Variants in UBL3 observed in about 807,000 individuals in gnomAD.
UBL3 encodes the protein ubiquitin-like protein 3.
In UBL3, 6 loss-of-function variants were observed where a neutral mutation model predicts 18.4. The ratio of observed to expected loss-of-function variants is 0.33; its 90% CI spans 0.18 to 0.64. The LOEUF (loss-of-function observed/expected upper bound fraction) is 0.64, where lower values mean the gene tolerates loss of function less well. Among genes scored for constraint, UBL3 ranks in the 30% least tolerant of loss-of-function variants. UBL3 has a pLI of 0.76. For missense variants in UBL3, 109 were observed against 142.9 expected (o/e 0.76, Z 1.21); for synonymous variants, 49 against 46.6 (o/e 1.05, Z -0.21).
At chr13:29,825,425 G>C (rs947883964) in intron 1 of UBL3, among the ~76,000 whole-genome samples, 1 of 152,232 alleles carries the variant, frequency 6.6e-6, no homozygotes, top group East Asian at 1.9e-4. Context: ...CACATCCCTT[G>C]TAAGTTGGAT....
chr13:29,775,611 T>A (rs941755336), intron 2 of UBL3, among the ~76,000 whole-genome samples: 4 of 152,094 alleles, frequency 2.6e-5, no homozygotes, highest in African/African-American at 7.2e-5. Flanking sequence ...AACAATTCAC[T>A]TGAGGGAGGC....
At chr13:29,834,975 G>A (rs1358682662) in intron 1 of UBL3, among the ~76,000 whole-genome samples, 1 of 150,226 alleles carries the variant, frequency 6.7e-6, no homozygotes, top group Non-Finnish European at 1.5e-5. Flanking sequence ...TTGGCACAGT[G>A]TCTGTAAGCG....
chr13:29,811,646 G>T (rs578042974), intron 1 of UBL3, among the ~76,000 whole-genome samples: 1 of 152,060 alleles, frequency 6.6e-6, no homozygotes, highest in Non-Finnish European at 1.5e-5. Flanking sequence ...AGAGCACACA[G>T]CTATCTTGAA....
chr13:29,787,052 A>T lies in UBL3; in HGVS notation c.28-9789T>A, dbSNP rs536664864. On this transcript the variant is annotated intron_variant, in intron 1 of 4. Transcript: ENST00000380680. ...AATTTTTGAATTATAGAAACCATTCAACTACTTATTAGCTAAAATATTTTT... is the reference window on the plus strand; with the variant it reads ...AATTTTTGAATTATAGAAACCATTCTACTACTTATTAGCTAAAATATTTTT... 1.6e-3 allele frequency among the ~76,000 whole-genome samples: 237 copies of T among 152,338 alleles called. 3 individuals are homozygous for T. The highest frequency in any genetic ancestry group is 3.1e-3 in the Admixed American group (48 of 15,306).
chr13:29,833,277 A>G (rs1878830014), intron 1 of UBL3, among the ~76,000 whole-genome samples: 1 of 152,242 alleles, frequency 6.6e-6, no homozygotes, highest in Admixed American at 6.5e-5. Context: ...AGACGTCTGG[A>G]TGGAGATCGG....
At position 29,830,007 on chromosome 13, in the gene UBL3, T is replaced by C. The variant is rs968599255; in HGVS notation, c.27+19505A>G. On this transcript the variant is annotated intron_variant, in intron 1 of 4. Transcript: ENST00000380680. ...CATTGCTCTTTTCTTTGTAATAATC[T>C]GATGTGCCTATTCTGGAAAACCTCC... Among the ~76,000 whole-genome samples, 62 of 152,226 alleles carry C rather than the reference T, an allele frequency of 4.1e-4. 1 individual carries two copies. Among genetic ancestry groups the C allele is most frequent in the Non-Finnish European group, 2.1e-4 (14 of 68,048 alleles).
chr13:29,823,387 C>T (rs962644882), intron 1 of UBL3, among the ~76,000 whole-genome samples: 15 of 152,322 alleles, frequency 9.8e-5, no homozygotes, highest in Admixed American at 6.5e-4. Flanking sequence ...GTGATCCGCC[C>T]GCCTTCGGCC....
chr13:29,770,294 A>T (rs1424886738), intron 3 of UBL3, among the ~76,000 whole-genome samples: 2 of 152,120 alleles, frequency 1.3e-5, no homozygotes, highest in Non-Finnish European at 2.9e-5. Flanking sequence ...ATCCAGCTAC[A>T]ATTATTAACG....
At chr13:29,771,854 T>C (rs936643082) in intron 3 of UBL3, among the ~76,000 whole-genome samples, 1 of 152,004 alleles carries the variant, frequency 6.6e-6, no homozygotes. Context: ...TAACGTTACA[T>C]TTAAAAAATA....
intron 1 of UBL3, among the ~76,000 whole-genome samples, chr13:29,790,972 A>C (rs1385157212): frequency 6.6e-6 from 1 of 152,090 alleles, no homozygotes; most frequent in African/African-American, 2.4e-5. Flanking sequence ...TCCCAAACTA[A>C]TTATCCATGA....
At chr13:29,788,515 C>T (rs764823450) in intron 1 of UBL3, among the ~76,000 whole-genome samples, 2 of 152,092 alleles carry the variant, frequency 1.3e-5, no homozygotes, top group African/African-American at 2.4e-5. Context: ...CAGCATACTT[C>T]GATGCCACCC....
chr13:29,816,293 T>C (rs1878279266), intron 1 of UBL3, among the ~76,000 whole-genome samples: 2 of 152,064 alleles, frequency 1.3e-5, no homozygotes, highest in South Asian at 4.1e-4. Flanking sequence ...ACTGACTAAA[T>C]TATGGAATAT....
intron 1 of UBL3, among the ~76,000 whole-genome samples, chr13:29,780,395 T>TGTGG (rs1877122337): frequency 7.6e-6 from 1 of 131,192 alleles, no homozygotes; most frequent in Non-Finnish European, 1.6e-5. Context: ...TATATATGTG[T>TGTGG]GTGTGTGTGT....
chr13:29,802,488 A>G (rs759688899), intron 1 of UBL3, among the ~76,000 whole-genome samples: 19 of 152,212 alleles, frequency 1.2e-4, no homozygotes, highest in Admixed American at 3.9e-4. Context: ...ACAGAAATAT[A>G]ATTCAGAATA....
At chr13:29,785,360 T>A (rs1443402704) in intron 1 of UBL3, among the ~76,000 whole-genome samples, 2 of 151,094 alleles carry the variant, frequency 1.3e-5, no homozygotes, top group Non-Finnish European at 3.0e-5. Context: ...TTTTTTTAAG[T>A]GCTCAACTTT....
intron 1 of UBL3, among the ~76,000 whole-genome samples, chr13:29,802,343 G>C (rs1877793558): frequency 1.3e-5 from 2 of 152,332 alleles, no homozygotes; most frequent in South Asian, 2.1e-4. Flanking sequence ...TTACACCACA[G>C]TTAAAGAACA....
At chr13:29,842,873 T>C (rs1879140126) in intron 1 of UBL3, among the ~76,000 whole-genome samples, 1 of 152,208 alleles carries the variant, frequency 6.6e-6, no homozygotes, top group African/African-American at 2.4e-5. Flanking sequence ...ATCAAGTCCA[T>C]GAAACAAAAG....
intron 1 of UBL3, among the ~76,000 whole-genome samples, chr13:29,824,057 A>C (rs960104505): frequency 6.6e-6 from 1 of 152,186 alleles, no homozygotes; most frequent in Admixed American, 6.5e-5. Context: ...TTATGGCTGC[A>C]TAGTATTCCA....
At position 29,826,749 on chromosome 13, in the gene UBL3, C is replaced by T. The variant is rs541688879; in HGVS notation, c.27+22763G>A. On this transcript the variant is annotated intron_variant, in intron 1 of 4. Coordinates refer to ENST00000380680, the MANE Select transcript of UBL3 (RefSeq NM_007106.4). Reference sequence around the variant, plus strand: ...TAGCTTTTGAATGTGTTTGCTCTTGCTTCTCTAGTTCTTTTAATTGTGATG... The same window carrying T: ...TAGCTTTTGAATGTGTTTGCTCTTGTTTCTCTAGTTCTTTTAATTGTGATG... Among the ~76,000 whole-genome samples, 81 of 152,146 alleles carry T rather than the reference C, an allele frequency of 5.3e-4. No homozygotes were observed. In the Middle Eastern group the frequency reaches 0.01, roughly 19 times the overall value.
Sources: allele counts gnomAD v4.1 joint callset (sites outside exome capture counted in the v4.1 genomes callset), GRCh38; gene constraint gnomAD v4.1.1; transcripts MANE v1.5; gene names NCBI Gene and HGNC (gene_info 2026-07-23, HGNC 2026-07-21).